The following P4HA3 variants were observed in gnomAD, a reference collection of about 807,000 sequenced individuals.
The protein encoded by P4HA3 is prolyl 4-hydroxylase subunit alpha 3.
P4HA3 carries 60 observed loss-of-function variants against 66.7 expected under a neutral mutation model. That is an observed-to-expected ratio of 0.90 (90% CI 0.73 to 1.12). P4HA3 has a LOEUF of 1.12. P4HA3 is among the 50% of genes most tolerant of loss of function. P4HA3 has a pLI of 0.00. For synonymous variants in P4HA3, 263 were observed against 274.6 expected, an observed-to-expected ratio of 0.96 and a Z score of 0.42; for missense variants, 683 against 685.8, an observed-to-expected ratio of 1.00 and a Z score of 0.05.
chr11:74,304,961 C>T (rs1861535219), intron 1 of P4HA3, among the ~76,000 whole-genome samples: 1 of 152,106 alleles, frequency 6.6e-6, no homozygotes, highest in Admixed American at 6.5e-5. Flanking sequence ...ATAAGGAGCA[C>T]ACAACCTAGA....
intron 4 of P4HA3, among the ~76,000 whole-genome samples, chr11:74,293,391 T>C (rs917280683): frequency 1.3e-5 from 2 of 152,224 alleles, no homozygotes; most frequent in African/African-American, 4.8e-5. Context: ...GGGTCATGAC[T>C]CTTTATCCAA....
At chr11:74,291,797 A>T (rs1421203845) in intron 4 of P4HA3, among the ~76,000 whole-genome samples, 3 of 152,238 alleles carry the variant, frequency 2.0e-5, no homozygotes, top group Admixed American at 1.3e-4. Flanking sequence ...GATGAAGCCC[A>T]CTTGGTCATG....
At chr11:74,306,317 G>T (rs1329605969) in intron 1 of P4HA3, among the ~76,000 whole-genome samples, 2 of 152,144 alleles carry the variant, frequency 1.3e-5, no homozygotes, top group Non-Finnish European at 2.9e-5. Flanking sequence ...CTTCAACAGT[G>T]TTTATATAGG....
At chr11:74,298,760 C>T (rs148903024) in intron 3 of P4HA3, among the ~76,000 whole-genome samples, 143 of 152,270 alleles carry the variant, frequency 9.4e-4, no homozygotes, top group African/African-American at 3.2e-3. Flanking sequence ...AAAAGGATAT[C>T]AGTGAGCAGA....
intron 15 of P4HA3, among the ~76,000 whole-genome samples, chr11:74,258,130 C>G (rs1235512844): frequency 6.6e-6 from 1 of 152,162 alleles, no homozygotes; most frequent in Non-Finnish European, 1.5e-5. Flanking sequence ...CATCAGCAGC[C>G]AGAATCAACT....
chr11:74,270,481 A>ATTTTTTT (rs1860157087), intron 10 of P4HA3, among the ~76,000 whole-genome samples: 1 of 143,474 alleles, frequency 7.0e-6, no homozygotes, highest in Non-Finnish European at 1.6e-5. Flanking sequence ...AAACAGGAAA[A>ATTTTTTT]TATTTTTAAA....
chr11:74,275,095 T>C (rs944862367), intron 9 of P4HA3, among the ~76,000 whole-genome samples: 21 of 152,348 alleles, frequency 1.4e-4, no homozygotes, highest in African/African-American at 5.1e-4. Flanking sequence ...ACCAAATATA[T>C]GATTTGCAAA....
chr11:74,282,139 A>AT, intron 7 of P4HA3, among the ~76,000 whole-genome samples: 1 of 150,690 alleles, frequency 6.6e-6, no homozygotes, highest in East Asian at 1.9e-4. Flanking sequence ...TTAAAAAAAA[A>AT]AAACAAAAAA....
intron 1 of P4HA3, among the ~76,000 whole-genome samples, chr11:74,310,886 C>A (rs184834374): frequency 1.3e-5 from 2 of 152,300 alleles, no homozygotes; most frequent in East Asian, 1.9e-4. Context: ...GTTTCACGAT[C>A]CCCCCTTGAA....
chr11:74,264,911 CTG>C (rs1859966241), downstream of P4HA3, among the ~76,000 whole-genome samples: 1 of 152,168 alleles, frequency 6.6e-6, no homozygotes, highest in South Asian at 2.1e-4. Context: ...CCAGACTTTC[CTG>C]TGTCTCAGTC....
chr11:74,288,595 T>C (rs915831134), intron 5 of P4HA3, among the ~76,000 whole-genome samples: 4 of 152,190 alleles, frequency 2.6e-5, no homozygotes, highest in Admixed American at 2.0e-4. Context: ...CCCTGATGCA[T>C]TGAACAGCAT....
At chr11:74,251,952 C>G in intron 15 of P4HA3, 2 of 708,576 alleles carry the variant, frequency 2.8e-6, no homozygotes, top group South Asian at 2.7e-5. Context: ...TGTGCCTAGT[C>G]TCACTCCCCA....
chr11:74,285,578 T>G, intron 7 of P4HA3: 1 of 458,360 alleles, frequency 2.2e-6, no homozygotes, highest in Non-Finnish European at 3.9e-6. Context: ...GAGCACATTT[T>G]CAATACCCCA....
Position 74,266,953 on chromosome 11 carries a change from C to A in P4HA3, c.*295G>T. 1 of 1,371,978 alleles carries A rather than the reference C, an allele frequency of 7.3e-7. No homozygotes were observed. The allele number at this position is 1,371,978 out of a possible 1,614,324, so 85.0% of individuals were successfully genotyped here. Reference sequence around the variant, plus strand: ...ATCGAACCTGAGACTGTTGAGATGTCCTGTTCCCAACAGAGAGTATCTGAA... The same window carrying A: ...ATCGAACCTGAGACTGTTGAGATGTACTGTTCCCAACAGAGAGTATCTGAA... On this transcript the variant is annotated 3_prime_UTR_variant, in exon 13 of 13. Coordinates refer to ENST00000331597, the MANE Select transcript of P4HA3 (RefSeq NM_182904.5).
chr11:74,287,435 G>C, intron 5 of P4HA3: 1 of 882,484 alleles, frequency 1.1e-6, no homozygotes, highest in Admixed American at 2.5e-5. Flanking sequence ...ATCTCAACTT[G>C]CCATGTTCTA....
chr11:74,265,280 T>C (rs1226494900), downstream of P4HA3, among the ~76,000 whole-genome samples: 1 of 152,064 alleles, frequency 6.6e-6, no homozygotes, highest in African/African-American at 2.4e-5. Context: ...GTGGCAGTAA[T>C]TTAGTAAGAG....
chr11:74,274,487 G>A (rs1382051543), intron 9 of P4HA3, among the ~76,000 whole-genome samples: 2 of 135,180 alleles, frequency 1.5e-5, no homozygotes, highest in Non-Finnish European at 3.2e-5. Flanking sequence ...TTTTTTTTTT[G>A]TATTTTTAGT....
At chr11:74,288,408 C>A (rs551821024) in intron 5 of P4HA3, among the ~76,000 whole-genome samples, 1 of 152,318 alleles carries the variant, frequency 6.6e-6, no homozygotes, top group Admixed American at 6.5e-5. Context: ...ACACTGATTT[C>A]ATTCATTCTT....
In P4HA3 at chr11:74,298,314, C is replaced by T. The variant is rs1179074004; in HGVS notation, c.615G>A (p.Glu205=). Residue 205 remains glutamate (E), a synonymous_variant, in exon 4 of 13, where the codon GAG becomes GAA. Coordinates refer to ENST00000331597, the MANE Select transcript of P4HA3 (RefSeq NM_182904.5). ...GDYYHAIPWL[E]EAVSLFRGSY... is the part of the protein sequence containing the mutation. ...ATCCTCGGAAGAGACTGACAGCCTC[C>T]TCCAGCCATGGAATGGCATGGTAAT... 1 of 1,614,042 alleles carries T rather than the reference C, an allele frequency of 6.2e-7. No individual in the cohort carries two copies. Among genetic ancestry groups the T allele is most frequent in the Middle Eastern group, 1.6e-4 (1 of 6,062 alleles).
Sources: gnomAD v4.1 joint callset for allele counts (sites outside exome capture counted in the v4.1 genomes callset) on GRCh38, gnomAD v4.1.1 for gene constraint, MANE v1.5 for transcripts, NCBI Gene and HGNC (gene_info 2026-07-23, HGNC 2026-07-21) for gene names.